The following TRAPPC3 variants were observed in gnomAD, a reference collection of about 807,000 sequenced individuals.
TRAPPC3 encodes trafficking protein particle complex 3.
In TRAPPC3, 5 loss-of-function variants were observed where a neutral mutation model predicts 18.2. That is an observed-to-expected ratio of 0.28 (90% CI 0.14 to 0.58). TRAPPC3 has a LOEUF of 0.58. Ranked by LOEUF, TRAPPC3 falls within the 20% of genes least tolerant of loss-of-function variation. The probability of loss-of-function intolerance (pLI) is 0.91; values close to 1 mark genes in which losing one functional copy is unlikely to be tolerated. For missense variants in TRAPPC3, 176 were observed against 225.9 expected (o/e 0.78, Z 1.41); for synonymous variants, 65 against 84.2 (o/e 0.77, Z 1.25).
At chr1:36,142,626 C>T (rs983178737) in intron 1 of TRAPPC3, among the ~76,000 whole-genome samples, 28 of 152,336 alleles carry the variant, frequency 1.8e-4, no homozygotes, top group African/African-American at 6.0e-4. Context: ...GTTAGGCTCT[C>T]CATACCCTCT....
At chr1:36,155,409 A>C (rs1644309291) in intron 1 of TRAPPC3, among the ~76,000 whole-genome samples, 1 of 151,470 alleles carries the variant, frequency 6.6e-6, no homozygotes, top group Non-Finnish European at 1.5e-5. Context: ...TCATCGACAG[A>C]CCACTGGGAG....
intron 1 of TRAPPC3, among the ~76,000 whole-genome samples, chr1:36,146,531 G>C (rs531801676): frequency 7.1e-6 from 1 of 140,308 alleles, no homozygotes; most frequent in Non-Finnish European, 1.5e-5. Context: ...TGATCTGCCC[G>C]CCTTGGCCTC....
chr1:36,145,204 TTC>T (rs1484999079), intron 1 of TRAPPC3, among the ~76,000 whole-genome samples: 1 of 151,286 alleles, frequency 6.6e-6, no homozygotes. Flanking sequence ...TGTATTTTTT[TTC>T]TTTTAGTAGA....
At chr1:36,137,494 C>CCTTTCT in intron 4 of TRAPPC3, 172 bp from the exon 5 acceptor site, 1 of 682,602 alleles carries the variant, frequency 1.5e-6, no homozygotes, top group Non-Finnish European at 2.4e-6. Flanking sequence ...ATGGCTCCAA[C>CCTTTCT]CCTTAAGGAG....
intron 1 of TRAPPC3, among the ~76,000 whole-genome samples, chr1:36,146,664 C>A (rs937113977): frequency 6.9e-6 from 1 of 144,978 alleles, no homozygotes; most frequent in Admixed American, 6.9e-5. Flanking sequence ...CCCAAGGTAA[C>A]ACAGCAAGTA....
At chr1:36,152,332 G>A (rs186177425), upstream of TRAPPC3, among the ~76,000 whole-genome samples, 2 of 145,302 alleles carry the variant, frequency 1.4e-5, no homozygotes, top group Non-Finnish European at 1.5e-5. Context: ...TTTTTTGAGA[G>A]AGTCTTGCTC....
chr1:36,138,228 C>T lies in TRAPPC3; in HGVS notation c.241-250G>A, dbSNP rs1363717216. 4.5e-6 allele frequency: 7 copies of T among 1,543,314 alleles called. No individual in the cohort carries two copies. The South Asian group carries it at 8.3e-5, about 18-fold the overall frequency. ...GTTTTGTTTTCCCAGAAACATTTTTCTTTCCTAGGCATCATACAAGTAAGC... is the reference window on the plus strand; with the variant it reads ...GTTTTGTTTTCCCAGAAACATTTTTTTTTCCTAGGCATCATACAAGTAAGC... On this transcript the variant is annotated intron_variant, in intron 3 of 4. Transcript: ENST00000373166.
chr1:36,150,755 G>C (rs1337668515), upstream of TRAPPC3, among the ~76,000 whole-genome samples: 1 of 152,216 alleles, frequency 6.6e-6, no homozygotes, highest in Non-Finnish European at 1.5e-5. Context: ...ACAGGGGAGG[G>C]AGCCAAGGGC....
At chr1:36,139,653 A>G in intron 3 of TRAPPC3, 67 bp downstream of exon 3, 1 of 1,598,922 alleles carries the variant, frequency 6.3e-7, no homozygotes, top group South Asian at 1.1e-5. Context: ...AGGGAGATAG[A>G]AAGAGTGGTA....
chr1:36,139,623 G>A (rs1557757688), intron 3 of TRAPPC3, 97 bp downstream of exon 3: 2 of 1,513,208 alleles, frequency 1.3e-6, no homozygotes, highest in Middle Eastern at 1.7e-4. Flanking sequence ...CAGTCTTTTG[G>A]GAGATTAAAG....
chr1:36,142,878 A>T (rs1254500580), intron 1 of TRAPPC3, among the ~76,000 whole-genome samples: 3 of 152,096 alleles, frequency 2.0e-5, no homozygotes, highest in African/African-American at 7.3e-5. Context: ...AAAAAATTTT[A>T]AAAATCAGCC....
In TRAPPC3 at chr1:36,137,760, T is replaced by C. The variant is rs1427851958; in HGVS notation, c.423+36A>G. 5 of 1,596,126 alleles carry C rather than the reference T, an allele frequency of 3.1e-6. No homozygotes were observed. The East Asian group carries it at 8.9e-5, about 29-fold the overall frequency. Reference sequence around the variant, plus strand: ...AAACACTTATCAAGTCCCTATTGCATTTCGGGTGTCCCAGAAGATAAAGAG... The same window carrying C: ...AAACACTTATCAAGTCCCTATTGCACTTCGGGTGTCCCAGAAGATAAAGAG... On this transcript the variant is annotated intron_variant, in intron 4 of 4. Coordinates refer to ENST00000373166, the MANE Select transcript of TRAPPC3 (RefSeq NM_014408.5).
At position 36,137,889 on chromosome 1, in the gene TRAPPC3, G is replaced by T. The variant is rs202113848; in HGVS notation, c.330C>A (p.Asn110Lys). ...GDEFSLILEN[N>K]PLVDFVELPD... ...GAAGTTCCACAAAGTCCACCAAGGG[G>T]TTATTTTCCAAAATGAGGGAGAATT... is the stretch of plus-strand genomic sequence containing the variant. Residue 110 changes from asparagine to lysine, a missense_variant, in exon 4 of 5, where the codon AAC becomes AAA. Transcript: ENST00000373166. 6 of 1,614,206 alleles carry T rather than the reference G, an allele frequency of 3.7e-6. No individual in the cohort carries two copies. The highest frequency in any genetic ancestry group is 5.1e-6 in the Non-Finnish European group (6 of 1,180,038).
intron 1 of TRAPPC3, among the ~76,000 whole-genome samples, chr1:36,143,561 G>A (rs569925370): frequency 1.1e-4 from 16 of 152,280 alleles, no homozygotes; most frequent in African/African-American, 3.9e-4. Flanking sequence ...GATCATAAAG[G>A]TCATAAAGGT....
At chr1:36,155,699 T>C (rs1644313346) in intron 1 of TRAPPC3, 1 of 152,396 alleles carries the variant, frequency 6.6e-6, no homozygotes, top group Admixed American at 6.5e-5. Flanking sequence ...CTCTCCTTCA[T>C]GCCTCCCGAC....
At chr1:36,140,218 G>T in intron 1 of TRAPPC3, 52 bp from the exon 2 acceptor site, 2 of 1,216,058 alleles carry the variant, frequency 1.6e-6, no homozygotes, top group Non-Finnish European at 2.3e-6. Flanking sequence ...AAGAGAAAGC[G>T]TGGTGAGAGT....
In TRAPPC3 at chr1:36,137,150, G is replaced by T; in HGVS notation, c.*53C>A. ...TCTGGAGGGCAGAGGGAGCACAGAG[G>T]CCTGCTGATTCCAACAGTGCTCCTG... On this transcript the variant is annotated 3_prime_UTR_variant, in exon 5 of 5. Coordinates refer to ENST00000373166, the MANE Select transcript of TRAPPC3 (RefSeq NM_014408.5). The T allele has an allele frequency of 1.3e-6, 2 of 1,579,742 alleles. No individual in the cohort carries two copies. Among genetic ancestry groups the T allele is most frequent in the African/African-American group, 2.7e-5 (2 of 74,522 alleles).
chr1:36,150,752 A>G (rs562097423), upstream of TRAPPC3, among the ~76,000 whole-genome samples: 1 of 152,164 alleles, frequency 6.6e-6, no homozygotes, highest in Non-Finnish European at 1.5e-5. Context: ...GCCACAGGGG[A>G]GGGAGCCAAG....
At chr1:36,140,402 A>C (rs1445444887) in intron 1 of TRAPPC3, 3 of 366,416 alleles carry the variant, frequency 8.2e-6, no homozygotes, top group Non-Finnish European at 1.5e-5. Context: ...CTAAGCAATC[A>C]CTCTTCCAAC....
Sources: allele counts gnomAD v4.1 joint callset (sites outside exome capture counted in the v4.1 genomes callset), GRCh38; gene constraint gnomAD v4.1.1; transcripts MANE v1.5; gene names NCBI Gene and HGNC (gene_info 2026-07-23, HGNC 2026-07-21).